SLU7: variants seen among roughly 807,000 people sequenced by gnomAD.
SLU7 encodes spliceosome associated SLU7.
A neutral mutation model predicts 87.0 loss-of-function variants in SLU7; 60 were observed. The ratio of observed to expected loss-of-function variants is 0.69; its 90% CI spans 0.56 to 0.86. SLU7 has a LOEUF of 0.86. Ranked by LOEUF, SLU7 falls within the 40% of genes least tolerant of loss-of-function variation. The probability of loss-of-function intolerance (pLI) is 0.00; values close to 1 mark genes in which losing one functional copy is unlikely to be tolerated. For synonymous variants in SLU7, 197 were observed against 222.0 expected (o/e 0.89, Z 1.00); for missense variants, 507 against 686.6 (o/e 0.74, Z 2.92).
chr5:160,416,007 C>T (rs977661451), intron 1 of SLU7, among the ~76,000 whole-genome samples: 1 of 152,136 alleles, frequency 6.6e-6, no homozygotes, highest in Non-Finnish European at 1.5e-5. Flanking sequence ...ATTCTCCTGC[C>T]TCAGTCTCCC....
In SLU7 at chr5:160,407,136, A is replaced by G. The variant is rs1470357006; in HGVS notation, c.1125+340T>C. Among the ~76,000 whole-genome samples the G allele has an allele frequency of 6.6e-6, 1 of 152,250 alleles. No homozygotes were observed. The highest frequency in any genetic ancestry group is 2.4e-5 in the African/African-American group (1 of 41,474). On this transcript the variant is annotated intron_variant, in intron 11 of 15. Transcript: ENST00000297151. The surrounding 1 kb of genome is among the most constrained non-coding windows in gnomAD (Gnocchi z 4.2). ...GGGTGGAGATGAGCTGTCCCAGAAG[A>G]GGTCCCCTTAGGACAATTAGCCTGT... is the stretch of plus-strand genomic sequence containing the variant.
chr5:160,405,273 A>C, intron 12 of SLU7, 138 bp from the exon 13 acceptor site: 1 of 625,570 alleles, frequency 1.6e-6, no homozygotes, highest in Non-Finnish European at 2.8e-6. Context: ...AGGCTGGCTA[A>C]CAGGGAGAAG....
chr5:160,405,982 G>A (rs972260061), intron 12 of SLU7, among the ~76,000 whole-genome samples: 4 of 152,192 alleles, frequency 2.6e-5, no homozygotes, highest in Non-Finnish European at 5.9e-5. Context: ...TTTGGAAAAT[G>A]TGATTAATGA....
rs1764831710 is a variant in SLU7, at chr5:160,402,726, AC to A, written c.*558del. 1 of 152,176 alleles carries A rather than the reference AC, an allele frequency of 6.6e-6. No homozygotes were observed. The highest frequency in any genetic ancestry group is 2.4e-5 in the African/African-American group (1 of 41,414). The allele number at this position is 152,176 out of a possible 1,614,324, so 9.4% of individuals were successfully genotyped here. On this transcript the variant is annotated 3_prime_UTR_variant, in exon 16 of 16. Coordinates refer to ENST00000297151, the MANE Select transcript of SLU7 (RefSeq NM_006425.5). ...GGCTTTTTTACATGACTCACATAAA[AC>A]TGGAAATAGGCCAGGCGCGGTGGCT...
chr5:160,413,701 C>A (rs1266333008), intron 4 of SLU7, 81 bp from the exon 5 acceptor site: 4 of 1,265,000 alleles, frequency 3.2e-6, no homozygotes, highest in Non-Finnish European at 2.2e-6. Context: ...ACAGAGTGGG[C>A]ACTTTACGAT....
chr5:160,405,848 C>A (rs1424059930), intron 12 of SLU7, among the ~76,000 whole-genome samples: 1 of 151,948 alleles, frequency 6.6e-6, no homozygotes, highest in East Asian at 1.9e-4. Flanking sequence ...AAATGGTCAC[C>A]GTCATGAAAA....
At chr5:160,409,224 T>C (rs535885621) in intron 6 of SLU7, among the ~76,000 whole-genome samples, 11 of 152,220 alleles carry the variant, frequency 7.2e-5, no homozygotes, top group Non-Finnish European at 1.0e-4. Context: ...AAAGTGAAGT[T>C]TGGGCAATGA....
Position 160,403,432 on chromosome 5 carries a change from A to G in SLU7, c.1614T>C (p.His538=), listed in dbSNP as rs765289655. 12 of 1,611,500 alleles carry G rather than the reference A, an allele frequency of 7.4e-6. No homozygotes were observed. The African/African-American group carries it at 9.4e-5, about 13-fold the overall frequency. ...CATCAATCTGCATGGTCTCCTTGACATGAAGAAGGCGGGCCTCCTCTGCGT... is the reference window on the plus strand; with the variant it reads ...CATCAATCTGCATGGTCTCCTTGACGTGAAGAAGGCGGGCCTCCTCTGCGT... ...ALNAEEARLL[H]VKETMQIDER... The change falls in exon 16 of 16, where the codon CAT becomes CAC. Residue 538 remains histidine (H), a synonymous_variant. Coordinates refer to ENST00000297151, the MANE Select transcript of SLU7 (RefSeq NM_006425.5).
At chr5:160,414,610 C>G (rs980702189) in intron 2 of SLU7, 138 bp from the exon 3 acceptor site, 43 of 466,598 alleles carry the variant, frequency 9.2e-5, no homozygotes, top group Middle Eastern at 1.1e-3. Context: ...AGGTTGCTAT[C>G]TCTATACTAT....
In SLU7 at chr5:160,405,095, T is replaced by C; in HGVS notation, c.1328A>G (p.Tyr443Cys). ...CTTGAAAAAAGAGTGACAGCATTTG[T>C]ATCCCCATCGGCCTTCTTTCCAGTA... ...GSYWKEGRWG[Y>C]KCCHSFFKYS... Residue 443 changes from tyrosine (Y) to cysteine (C), a missense_variant, in exon 13 of 16, where the codon TAC becomes TGC. By Grantham distance (194) the Tyr-to-Cys change is radical (BLOSUM62 -2). This residue lies in a region of SLU7 where 201 missense variants were observed against 213.4 expected (regional missense o/e 0.94). Transcript: ENST00000297151. 1.2e-6 allele frequency: 2 copies of C among 1,613,912 alleles called. No individual in the cohort carries two copies. Among genetic ancestry groups the C allele is most frequent in the Non-Finnish European group, 1.7e-6 (2 of 1,179,822 alleles).
chr5:160,415,853 T>C (rs1460028365), intron 1 of SLU7, among the ~76,000 whole-genome samples: 1 of 152,200 alleles, frequency 6.6e-6, no homozygotes, highest in African/African-American at 2.4e-5. Flanking sequence ...TTTTATATAT[T>C]ATGTCTTGAC....
At chr5:160,414,988 T>C in intron 2 of SLU7, 137 bp downstream of exon 2, 1 of 675,178 alleles carries the variant, frequency 1.5e-6, no homozygotes, top group Non-Finnish European at 2.4e-6. Context: ...ACCATATGCA[T>C]ATGAGTTTGA....
intron 12 of SLU7, 62 bp from the exon 13 acceptor site, chr5:160,405,197 G>T: frequency 9.1e-7 from 1 of 1,093,516 alleles, no homozygotes; most frequent in Non-Finnish European, 1.4e-6. Flanking sequence ...TCTGTATACT[G>T]TTGATAAGAG....
Position 160,405,071 on chromosome 5 carries a change from T to C in SLU7, c.1352A>G (p.Lys451Arg), listed in dbSNP as rs763958888. Residue 451 changes from lysine to arginine, a missense_variant, in exon 13 of 16, where the codon AAG (lysine) becomes AGG (arginine). Lys to Arg is a conservative substitution (Grantham distance 26). This residue lies in a region of SLU7 where 201 missense variants were observed against 213.4 expected (regional missense o/e 0.94). Transcript: ENST00000297151. ...WGYKCCHSFF[K>R]YSYCTGEAGK... ...AGCTTCTCCAGTACAATAGGAATAC[T>C]TGAAAAAAGAGTGACAGCATTTGTA... 5.0e-6 allele frequency: 8 copies of C among 1,613,838 alleles called. No individual in the cohort carries two copies. The East Asian group carries it at 1.6e-4, about 31-fold the overall frequency.
chr5:160,406,092 C>T (rs980488984), intron 12 of SLU7, among the ~76,000 whole-genome samples: 2 of 152,050 alleles, frequency 1.3e-5, no homozygotes, highest in Non-Finnish European at 2.9e-5. Context: ...TGTGATACAG[C>T]GTTTATGGAT....
Position 160,407,352 on chromosome 5 carries a change from A to AG in SLU7, c.1125+123dup. On this transcript the variant is annotated intron_variant, in intron 11 of 15. Coordinates refer to ENST00000297151, the MANE Select transcript of SLU7 (RefSeq NM_006425.5). The surrounding 1 kb of genome is among the most constrained non-coding windows in gnomAD (Gnocchi z 4.2). ...CATCTGACTAAGAGAAAGGAAGAAAAGGACTATTCTTCATGGATTAAGAGG... is the reference window on the plus strand; with the variant it reads ...CATCTGACTAAGAGAAAGGAAGAAAAGGGACTATTCTTCATGGATTAAGAGG... 1 of 786,864 alleles carries AG rather than the reference A, an allele frequency of 1.3e-6. No individual in the cohort carries two copies. Among genetic ancestry groups the AG allele is most frequent in the Non-Finnish European group, 2.0e-6 (1 of 511,598 alleles). 48.7% of individuals were successfully genotyped at this position (786,864 alleles called of 1,614,324 possible). A position where few individuals can be genotyped will look rare whatever the true frequency, so the allele number is the denominator to read the frequency against.
intron 6 of SLU7, among the ~76,000 whole-genome samples, chr5:160,410,870 C>CTTTT (rs67739399): frequency 2.7e-5 from 4 of 145,716 alleles, no homozygotes; most frequent in African/African-American, 7.6e-5. Flanking sequence ...GGCAAATTCA[C>CTTTT]TTTTTTTTTT....
Position 160,415,251 on chromosome 5 carries a change from G to A in SLU7, c.44C>T (p.Ser15Leu), listed in dbSNP as rs145425461. 32 of 1,610,592 alleles carry A rather than the reference G, an allele frequency of 2.0e-5. No individual in the cohort carries two copies. The African/African-American group carries it at 2.4e-4, about 12-fold the overall frequency. Residue 15 changes from serine (S) to leucine (L), a missense_variant, in exon 2 of 16, where the codon TCG becomes TTG. Ser to Leu is a moderately radical substitution (Grantham distance 145). This residue lies in a region of SLU7 where 33 missense variants were observed against 37.3 expected (regional missense o/e 0.88). Transcript: ENST00000297151. ...TTCCAAACTCATTTCTTTGGACCCC[G>A]ATAGGGGTGCAGCATTAACTGCATC... Reference protein sequence around the residue: ...VVDAVNAAPLSGSKEMSLEEP... With the variant: ...VVDAVNAAPLLGSKEMSLEEP...
At position 160,407,750 on chromosome 5, in the gene SLU7, T is replaced by C; in HGVS notation, c.981A>G (p.Thr327=). ...YTGDTISMAQ[T]QLFAWEAYDK... ...TGACATAGAGGAAACACTTACACTG[T>C]GTCTGAGCCATTGAAATGGTATCTC... The change falls in exon 10 of 16, where the codon ACA becomes ACG. Residue 327 remains threonine (T), a synonymous_variant. Transcript: ENST00000297151. This position sits in a 1 kb window ranked among gnomAD's most constrained non-coding sequence, Gnocchi z 4.2. The C allele has an allele frequency of 6.2e-7, 1 of 1,612,504 alleles. No individual in the cohort carries two copies. The highest frequency in any genetic ancestry group is 2.2e-5 in the East Asian group (1 of 44,862).
Sources: allele counts gnomAD v4.1 joint callset (sites outside exome capture counted in the v4.1 genomes callset), GRCh38; gene constraint gnomAD v4.1.1; regional missense constraint gnomAD v4.1.1; non-coding constraint Gnocchi (gnomAD v3.1); transcripts MANE v1.5; gene names NCBI Gene and HGNC (gene_info 2026-07-23, HGNC 2026-07-21).